SPATA13: variants seen among roughly 807,000 people sequenced by gnomAD.
SPATA13 encodes the protein spermatogenesis associated 13, also known as spermatogenesis-associated protein 13.
SPATA13 carries 50 observed loss-of-function variants against 104.0 expected under a neutral mutation model. The observed-to-expected ratio is 0.48, with a 90% confidence interval of 0.38 to 0.61. The LOEUF is 0.61. SPATA13 is among the 20% of genes least tolerant of loss of function. The pLI is 0.00. For missense variants in SPATA13, 1,524 were observed against 1,690.6 expected (o/e 0.90, Z 1.73); for synonymous variants, 606 against 667.5 (o/e 0.91, Z 1.42).
intron 1 of SPATA13, among the ~76,000 whole-genome samples, chr13:24,220,793 A>G (rs1317702229): frequency 2.0e-5 from 3 of 152,140 alleles, no homozygotes; most frequent in Admixed American, 6.5e-5. Context: ...CCCTTTACCT[A>G]TGGCTGTCTG....
In SPATA13 at chr13:24,223,731, C is replaced by T. The variant is rs1871749504; in HGVS notation, c.802C>T (p.Arg268Trp). ...CTTTCTGAAGAAGAGCTCCTTTAAG[C>T]GGAAGTCCACCTCCAATCTTGCAGA... ...LAFLKKSSFK[R>W]KSTSNLADLR... is the part of the protein sequence containing the mutation. Residue 268 changes from arginine to tryptophan, a missense_variant, in exon 2 of 13, where the codon CGG becomes TGG. Physicochemically the swap from Arg to Trp is moderately radical, Grantham distance 101. Coordinates refer to ENST00000382108, the MANE Select transcript of SPATA13 (RefSeq NM_001166271.3). 12 of 1,551,910 alleles carry T rather than the reference C, an allele frequency of 7.7e-6. No homozygotes were observed. Among genetic ancestry groups the T allele is most frequent in the South Asian group, 3.6e-5 (3 of 84,074 alleles).
chr13:24,064,272 G>A (rs1193246332), intron 3 of SPATA13, among the ~76,000 whole-genome samples: 4 of 152,326 alleles, frequency 2.6e-5, no homozygotes, highest in African/African-American at 9.6e-5. Context: ...GTTTCGTCAA[G>A]CCCACATTTT....
At chr13:24,086,516 AG>A (rs1879725207) in intron 3 of SPATA13, among the ~76,000 whole-genome samples, 1 of 151,746 alleles carries the variant, frequency 6.6e-6, no homozygotes, top group Non-Finnish European at 1.5e-5. Flanking sequence ...TATGAAAGAA[AG>A]GATGAATTCA....
intron 3 of SPATA13, among the ~76,000 whole-genome samples, chr13:24,044,893 G>GGGGGTGGGGGTA (rs1878074997): frequency 2.8e-5 from 4 of 143,704 alleles, no homozygotes; most frequent in Non-Finnish European, 6.2e-5. Flanking sequence ...AGGAGGGGGT[G>GGGGGTGGGGGTA]GGGGTGGGGG....
intron 4 of SPATA13, among the ~76,000 whole-genome samples, chr13:24,281,831 C>T (rs1875547025): frequency 2.0e-5 from 3 of 152,140 alleles, no homozygotes; most frequent in African/African-American, 4.8e-5. Context: ...GGGAGAGGCG[C>T]CGCTGGCAGC....
At chr13:24,274,616 C>T (rs546138143) in intron 4 of SPATA13, among the ~76,000 whole-genome samples, 2 of 152,386 alleles carry the variant, frequency 1.3e-5, no homozygotes, top group African/African-American at 2.4e-5. Context: ...CCCGTGACAG[C>T]TGCTCCCAGC....
rs1327940249 is a variant in SPATA13 at position 24,224,224 on chromosome 13, C to T, written c.1295C>T (p.Pro432Leu). 1.3e-6 allele frequency: 2 copies of T among 1,551,740 alleles called. No individual in the cohort carries two copies. The highest frequency in any genetic ancestry group is 4.9e-5 in the East Asian group (2 of 40,914). ...SDSSCTCSSL[P>L]SPIVQDVLSK... ...AGTTCCTGCACTTGCAGCTCTTTGC[C>T]AAGCCCGATTGTCCAGGATGTGTTG... The change falls in exon 2 of 13, where the codon CCA becomes CTA. Residue 432 changes from proline to leucine, a missense_variant. By Grantham distance (98) the Pro-to-Leu change is moderately conservative. Transcript: ENST00000382108.
intron 4 of SPATA13, chr13:24,270,730 G>T: frequency 6.5e-7 from 1 of 1,547,122 alleles, no homozygotes. Context: ...CAACGTCAAA[G>T]CAGTGAATAA....
intron 3 of SPATA13, among the ~76,000 whole-genome samples, chr13:24,045,426 C>G (rs1434484447): frequency 6.6e-6 from 1 of 151,838 alleles, no homozygotes; most frequent in Non-Finnish European, 1.5e-5. Context: ...ATTTTTTTCT[C>G]TCAGTTTAAA....
intron 11 of SPATA13, 107 bp from the exon 12 acceptor site, chr13:24,300,294 T>A (rs1161146286): frequency 6.4e-6 from 5 of 776,634 alleles, no homozygotes; most frequent in Non-Finnish European, 1.0e-5. Context: ...GTTCTCTGTC[T>A]CAGGTTGTGG....
chr13:24,109,452 T>G (rs1230763848), intron 3 of SPATA13, among the ~76,000 whole-genome samples: 1 of 151,216 alleles, frequency 6.6e-6, no homozygotes, highest in Non-Finnish European at 1.5e-5. Context: ...GCATGATTTA[T>G]AATTCTTTGG....
intron 4 of SPATA13, among the ~76,000 whole-genome samples, chr13:24,279,601 T>C (rs1379374430): frequency 1.3e-5 from 2 of 152,100 alleles, no homozygotes; most frequent in African/African-American, 4.8e-5. Context: ...CTGGACACTT[T>C]CAGGAACTTG....
chr13:24,169,074 G>C (rs147182574), intron 1 of SPATA13, among the ~76,000 whole-genome samples: 2 of 152,246 alleles, frequency 1.3e-5, no homozygotes, highest in Non-Finnish European at 2.9e-5. Flanking sequence ...GCTTACTAAA[G>C]AGCCTGCTTG....
intron 2 of SPATA13, among the ~76,000 whole-genome samples, chr13:24,228,431 A>G (rs974630152): frequency 5.3e-5 from 8 of 152,164 alleles, no homozygotes; most frequent in African/African-American, 1.9e-4. Context: ...CTTAACATAT[A>G]TGTCAAAAAG....
rs1671689270 is a variant in SPATA13 at position 24,286,489 on chromosome 13, G to GT, written c.2481+97dup. ...CGCCTTTTATCAGGTCAGCTCTTTT[G>GT]TAATTGATATCTGACATGCAAGTCA... On this transcript the variant is annotated intron_variant, in intron 6 of 12. Transcript: ENST00000382108. This position sits in a 1 kb window ranked among gnomAD's most constrained non-coding sequence, Gnocchi z 4.9. 7.8e-6 allele frequency: 10 copies of GT among 1,284,446 alleles called. No homozygotes were observed. In the South Asian group the frequency reaches 1.4e-4, roughly 17 times the overall value. The allele number at this position is 1,284,446 out of a possible 1,614,324, so 79.6% of individuals were successfully genotyped here.
intron 4 of SPATA13, among the ~76,000 whole-genome samples, chr13:24,278,139 A>G (rs894648716): frequency 2.6e-5 from 4 of 152,186 alleles, no homozygotes; most frequent in Non-Finnish European, 5.9e-5. Context: ...CCAGAATGGG[A>G]GCAAAACACA....
At chr13:24,213,331 A>G (rs976517858) in intron 1 of SPATA13, among the ~76,000 whole-genome samples, 4 of 152,194 alleles carry the variant, frequency 2.6e-5, no homozygotes, top group Non-Finnish European at 2.9e-5. Context: ...CAGTGGCATA[A>G]TCTTGGCTCA....
intron 4 of SPATA13, among the ~76,000 whole-genome samples, chr13:24,258,496 A>G (rs1049500744): frequency 2.6e-5 from 4 of 151,892 alleles, no homozygotes; most frequent in African/African-American, 9.7e-5. Flanking sequence ...GCAAAACCCC[A>G]TCTCTACTAA....
intron 3 of SPATA13, among the ~76,000 whole-genome samples, chr13:24,069,688 C>T (rs185343220): frequency 6.8e-4 from 103 of 152,264 alleles, no homozygotes; most frequent in Admixed American, 1.3e-3. Context: ...GGGGTGCATG[C>T]CTAACATGCA....
Sources: gnomAD v4.1 joint callset for allele counts (sites outside exome capture counted in the v4.1 genomes callset) on GRCh38, gnomAD v4.1.1 for gene constraint, Gnocchi (gnomAD v3.1) non-coding constraint, MANE v1.5 for transcripts, NCBI Gene and HGNC (gene_info 2026-07-23, HGNC 2026-07-21) for gene names.